The following NBEA variants were observed in gnomAD, a reference collection of about 807,000 sequenced individuals.
The protein encoded by NBEA is neurobeachin.
In NBEA, 44 loss-of-function variants were observed where a neutral mutation model predicts 343.4. That is an observed-to-expected ratio of 0.13 (90% CI 0.10 to 0.16). NBEA has a LOEUF of 0.16. Ranked by LOEUF, NBEA falls within the 10% of genes least tolerant of loss-of-function variation. The pLI is 1.00. For synonymous variants in NBEA, 1,175 were observed against 1,238.7 expected (o/e 0.95, Z 1.08); for missense variants, 2,555 against 3,631.3 (o/e 0.70, Z 7.62).
At chr13:34,963,694 T>A (rs1044543634) in intron 1 of NBEA, among the ~76,000 whole-genome samples, 1 of 151,094 alleles carries the variant, frequency 6.6e-6, no homozygotes, top group Non-Finnish European at 1.5e-5. Flanking sequence ...TCCATGCTTC[T>A]ACTCTTTTCT....
chr13:34,974,157 A>C (rs533402701), intron 1 of NBEA, among the ~76,000 whole-genome samples: 1 of 152,046 alleles, frequency 6.6e-6, no homozygotes, highest in Non-Finnish European at 1.5e-5. Flanking sequence ...CCGTCATCCT[A>C]TCTGCTTTTC....
intron 30 of NBEA, among the ~76,000 whole-genome samples, chr13:35,189,918 T>A (rs1384963633): frequency 6.6e-6 from 1 of 151,864 alleles, no homozygotes; most frequent in Non-Finnish European, 1.5e-5. Flanking sequence ...AGATTTAGAG[T>A]GATTTAACTC....
Position 35,513,300 on chromosome 13 carries a change from CA to C in NBEA, c.6586-37175del, listed in dbSNP as rs1378897802. ...TACAGGCGCCTGCCACCACACCTGG[CA>C]ATTTTTTTTTTTTTTTTTTTTTTTT... On this transcript the variant is annotated intron_variant, in intron 41 of 58. Transcript: ENST00000379939. 4.8e-3 allele frequency among the ~76,000 whole-genome samples: 571 copies of C among 119,164 alleles called. 40 individuals are homozygous for C. Among genetic ancestry groups the C allele is most frequent in the African/African-American group, 0.019 (535 of 28,570 alleles). The allele number at this position is 119,164 out of a possible 152,430, so 78.2% of individuals were successfully genotyped here.
intron 1 of NBEA, among the ~76,000 whole-genome samples, chr13:34,966,623 T>G (rs1219262272): frequency 8.2e-5 from 12 of 146,766 alleles, no homozygotes; most frequent in South Asian, 2.1e-4. Context: ...GAGCCTGTGT[T>G]TTTTTTTTTT....
chr13:35,578,074 C>G (rs1487055660), intron 45 of NBEA, among the ~76,000 whole-genome samples: 1 of 152,150 alleles, frequency 6.6e-6, no homozygotes, highest in East Asian at 1.9e-4. Context: ...AACACGATAA[C>G]TTAGATATGT....
At chr13:35,462,174 GTAAGACA>G (rs1395774237) in intron 40 of NBEA, among the ~76,000 whole-genome samples, 2 of 152,140 alleles carry the variant, frequency 1.3e-5, no homozygotes, top group African/African-American at 4.8e-5. Flanking sequence ...TCAACTCTAT[GTAAGACA>G]TAATGGTGAG....
chr13:35,141,358 C>T (rs978088305), intron 17 of NBEA, among the ~76,000 whole-genome samples: 4 of 152,144 alleles, frequency 2.6e-5, no homozygotes, highest in East Asian at 1.9e-4. Context: ...CCTCCACCTC[C>T]CAGGTTTAAG....
At chr13:35,146,737 G>C (rs1413136244) in intron 18 of NBEA, among the ~76,000 whole-genome samples, 1 of 152,158 alleles carries the variant, frequency 6.6e-6, no homozygotes, top group Admixed American at 6.5e-5. Context: ...GTTGCAGGAT[G>C]CTGCTTATAG....
chr13:35,471,455 A>G (rs2075645337), intron 40 of NBEA, among the ~76,000 whole-genome samples: 1 of 152,176 alleles, frequency 6.6e-6, no homozygotes, highest in Non-Finnish European at 1.5e-5. Flanking sequence ...CCTACAAATG[A>G]ATAGTTACAT....
intron 27 of NBEA, among the ~76,000 whole-genome samples, chr13:35,176,436 A>C (rs193120743): frequency 6.6e-6 from 1 of 152,142 alleles, no homozygotes; most frequent in Admixed American, 6.6e-5. Flanking sequence ...CTACTATGTG[A>C]CTACATTACC....
intron 27 of NBEA, among the ~76,000 whole-genome samples, chr13:35,175,602 C>A (rs1444869610): frequency 6.6e-6 from 1 of 152,116 alleles, no homozygotes; most frequent in Non-Finnish European, 1.5e-5. Flanking sequence ...CTTACTTGAG[C>A]TAATCAGTAT....
intron 4 of NBEA, among the ~76,000 whole-genome samples, chr13:35,046,060 C>A (rs76802978): frequency 0.036 from 5,473 of 152,046 alleles, 148 homozygotes; most frequent in South Asian, 0.074. Context: ...TCTTTCACTT[C>A]CCGTGATGCT....
In NBEA at chr13:35,041,183, G is replaced by C. The variant is rs763370290; in HGVS notation, c.526+19G>C. 2 of 1,580,932 alleles carry C rather than the reference G, an allele frequency of 1.3e-6. No homozygotes were observed. Among genetic ancestry groups the C allele is most frequent in the African/African-American group, 2.7e-5 (2 of 74,286 alleles). On this transcript the variant is annotated intron_variant, in intron 2 of 58. Coordinates refer to ENST00000379939, the MANE Select transcript of NBEA (RefSeq NM_001385012.1). Reference sequence around the variant, plus strand: ...ATAGCAGGTATGGGGTTGTCTGACAGGAAAGTATAACTTAAATGTTTATAA... The same window carrying C: ...ATAGCAGGTATGGGGTTGTCTGACACGAAAGTATAACTTAAATGTTTATAA...
At chr13:35,430,087 A>C (rs982736845) in intron 38 of NBEA, among the ~76,000 whole-genome samples, 1 of 152,204 alleles carries the variant, frequency 6.6e-6, no homozygotes, top group African/African-American at 2.4e-5. Context: ...CCAACAGTGT[A>C]AAATGTTTAC....
intron 40 of NBEA, among the ~76,000 whole-genome samples, chr13:35,459,752 G>A (rs567329437): frequency 6.6e-6 from 1 of 152,114 alleles, no homozygotes; most frequent in Non-Finnish European, 1.5e-5. Context: ...AGAGCATGTG[G>A]GAAGACGAAA....
chr13:35,264,499 C>A (rs2033492480), intron 34 of NBEA, among the ~76,000 whole-genome samples: 2 of 151,822 alleles, frequency 1.3e-5, no homozygotes, highest in Non-Finnish European at 2.9e-5. Context: ...AAATCTGCAA[C>A]AAAATACTAG....
At position 34,984,862 on chromosome 13, in the gene NBEA, T is replaced by A. The variant is rs188483126; in HGVS notation, c.294+41748T>A. Among the ~76,000 whole-genome samples the A allele has an allele frequency of 2.9e-3, 434 of 151,144 alleles. 7 individuals carry two copies. The highest frequency in any genetic ancestry group is 9.9e-3 in the African/African-American group (410 of 41,470). On this transcript the variant is annotated intron_variant, in intron 1 of 58. Coordinates refer to ENST00000379939, the MANE Select transcript of NBEA (RefSeq NM_001385012.1). ...TTTGTCTGTTATTGGTGTATAGGAA[T>A]GCTTGTGATTTTTGCAGATTGATTT... is the stretch of plus-strand genomic sequence containing the variant.
chr13:35,352,292 A>C lies in NBEA; in HGVS notation c.6148A>C (p.Lys2050Gln), dbSNP rs1026429293. The change falls in exon 38 of 59, where the codon AAA (lysine) becomes CAA (glutamine). Residue 2050 changes from lysine to glutamine, a missense_variant. Coordinates refer to ENST00000379939, the MANE Select transcript of NBEA (RefSeq NM_001385012.1). ...GAAGATTCTCAATATTCTCACAAATAAACATGGTGCTTGGGGAGCAGTTTC... is the reference window on the plus strand; with the variant it reads ...GAAGATTCTCAATATTCTCACAAATCAACATGGTGCTTGGGGAGCAGTTTC... ...KQKILNILTN[K>Q]HGAWGAVSHS... 6.5e-7 allele frequency: 1 copy of C among 1,534,714 alleles called. No homozygotes were observed. Among genetic ancestry groups the C allele is most frequent in the Admixed American group, 1.9e-5 (1 of 53,912 alleles).
chr13:35,010,722 T>A (rs1289599543), intron 1 of NBEA, among the ~76,000 whole-genome samples: 15 of 54,074 alleles, frequency 2.8e-4, no homozygotes, highest in African/African-American at 1.3e-3. Context: ...AGACTGGGTC[T>A]CTACAAAAAA....
Sources: allele counts gnomAD v4.1 joint callset (sites outside exome capture counted in the v4.1 genomes callset), GRCh38; gene constraint gnomAD v4.1.1; transcripts MANE v1.5; gene names NCBI Gene and HGNC (gene_info 2026-07-23, HGNC 2026-07-21).